The following CTNND2 variants were observed in gnomAD, a reference collection of about 807,000 sequenced individuals.
CTNND2 encodes the protein catenin delta-2.
CTNND2 carries 22 observed loss-of-function variants against 144.4 expected under a neutral mutation model. The observed-to-expected ratio is 0.15, with a 90% confidence interval of 0.11 to 0.22. CTNND2 has a LOEUF of 0.22. Ranked by LOEUF, CTNND2 falls within the 10% of genes least tolerant of loss-of-function variation. The pLI, the probability that CTNND2 is intolerant of heterozygous loss-of-function variation, is 1.00. For missense variants in CTNND2, 1,353 were observed against 1,618.8 expected, an observed-to-expected ratio of 0.84 and a Z score of 2.82; for synonymous variants, 751 against 695.6, an observed-to-expected ratio of 1.08 and a Z score of -1.25.
chr5:11,490,495 T>C (rs1769283861), intron 3 of CTNND2, among the ~76,000 whole-genome samples: 1 of 152,188 alleles, frequency 6.6e-6, no homozygotes, highest in African/African-American at 2.4e-5. Context: ...ATCCACAAAA[T>C]GCCAGATGTA....
At chr5:11,492,073 G>A (rs571642446) in intron 3 of CTNND2, among the ~76,000 whole-genome samples, 23 of 152,256 alleles carry the variant, frequency 1.5e-4, no homozygotes, top group Middle Eastern at 3.4e-3. Flanking sequence ...GATGGAAACC[G>A]GGTATAGCAT....
At chr5:11,433,306 T>C (rs914750797) in intron 3 of CTNND2, among the ~76,000 whole-genome samples, 21 of 152,060 alleles carry the variant, frequency 1.4e-4, no homozygotes, top group Admixed American at 1.4e-3. Flanking sequence ...CTCTATATCA[T>C]TGGTCATTAA....
intron 2 of CTNND2, among the ~76,000 whole-genome samples, chr5:11,583,085 T>C (rs1778565013): frequency 6.6e-6 from 1 of 152,224 alleles, no homozygotes; most frequent in South Asian, 2.1e-4. Flanking sequence ...AACAGTAAGC[T>C]CTTACATAAA....
intron 2 of CTNND2, among the ~76,000 whole-genome samples, chr5:11,706,871 G>T (rs998250059): frequency 1.3e-5 from 2 of 151,952 alleles, no homozygotes; most frequent in Non-Finnish European, 2.9e-5. Flanking sequence ...GGATCACGAG[G>T]TCAGGAGATC....
intron 6 of CTNND2, among the ~76,000 whole-genome samples, chr5:11,393,004 C>T (rs1359584215): frequency 1.3e-5 from 2 of 152,158 alleles, no homozygotes; most frequent in East Asian, 3.9e-4. Context: ...TCCCCTCAGC[C>T]TTCACATCCA....
At chr5:11,724,549 G>C (rs1786894688) in intron 2 of CTNND2, among the ~76,000 whole-genome samples, 1 of 152,114 alleles carries the variant, frequency 6.6e-6, no homozygotes, top group Admixed American at 6.5e-5. Flanking sequence ...TCGGTGGAGG[G>C]TTTCTCCTCT....
intron 20 of CTNND2, among the ~76,000 whole-genome samples, chr5:10,986,188 C>T (rs1017724267): frequency 1.3e-5 from 2 of 152,154 alleles, no homozygotes; most frequent in African/African-American, 4.8e-5. Flanking sequence ...AAGATCCCTG[C>T]CATTTTCTAA....
At chr5:11,580,881 A>C (rs1431417014) in intron 2 of CTNND2, among the ~76,000 whole-genome samples, 7 of 152,192 alleles carry the variant, frequency 4.6e-5, no homozygotes. Flanking sequence ...TCTGTAATTC[A>C]AACAGGGGTA....
At position 10,981,785 on chromosome 5, in the gene CTNND2, G is replaced by T. The variant is rs1222118309; in HGVS notation, c.3405C>A (p.Ile1135=). 24 of 1,613,722 alleles carry T rather than the reference G, an allele frequency of 1.5e-5. No homozygotes were observed. Among genetic ancestry groups the T allele is most frequent in the Non-Finnish European group, 2.0e-5 (24 of 1,179,702 alleles). Residue 1135 remains isoleucine, a synonymous_variant, in exon 21 of 22, where the codon ATC becomes ATA. Transcript: ENST00000304623. ...GCATTTACTTTACCTGGTTGTGTTT[G>T]ATGTCTTCAGCGGGCGCACCATAAG... is the stretch of plus-strand genomic sequence containing the variant. ...RNSYGAPAED[I]KHNQVSAQPV... is the part of the protein sequence containing the mutation.
At chr5:11,698,674 A>G (rs1441210551) in intron 2 of CTNND2, among the ~76,000 whole-genome samples, 1 of 152,130 alleles carries the variant, frequency 6.6e-6, no homozygotes. Flanking sequence ...CTGGAAATAA[A>G]TCAGGGACTA....
chr5:11,415,775 CT>C (rs1182055144), intron 3 of CTNND2, among the ~76,000 whole-genome samples: 4 of 152,094 alleles, frequency 2.6e-5, no homozygotes, highest in African/African-American at 9.7e-5. Context: ...GGAAAACACT[CT>C]GCTTAGCTCC....
At chr5:11,540,428 C>G (rs960093466) in intron 3 of CTNND2, among the ~76,000 whole-genome samples, 6 of 152,174 alleles carry the variant, frequency 3.9e-5, no homozygotes, top group African/African-American at 1.4e-4. Context: ...CCAAGAGTCA[C>G]TGGGAATCCC....
intron 3 of CTNND2, among the ~76,000 whole-genome samples, chr5:11,553,580 A>T (rs778991082): frequency 3.9e-5 from 6 of 152,226 alleles, no homozygotes; most frequent in Non-Finnish European, 8.8e-5. Flanking sequence ...AATAAAAGAT[A>T]AATTATGACT....
At chr5:11,757,506 C>T (rs1789018851) in intron 1 of CTNND2, among the ~76,000 whole-genome samples, 1 of 151,754 alleles carries the variant, frequency 6.6e-6, no homozygotes, top group Non-Finnish European at 1.5e-5. Context: ...TCTAAGAATA[C>T]AAACATCTTA....
intron 1 of CTNND2, among the ~76,000 whole-genome samples, chr5:11,737,205 C>T (rs1787734680): frequency 6.6e-6 from 1 of 152,172 alleles, no homozygotes; most frequent in Admixed American, 6.5e-5. Context: ...AGAATGTTAC[C>T]TCACCACAAT....
chr5:11,005,266 G>C (rs1740362230), intron 18 of CTNND2, among the ~76,000 whole-genome samples: 2 of 152,262 alleles, frequency 1.3e-5, no homozygotes, highest in Admixed American at 1.3e-4. Context: ...GAACAGCGTG[G>C]CTGAGGCAAA....
chr5:11,463,235 T>C (rs188317984), intron 3 of CTNND2, among the ~76,000 whole-genome samples: 348 of 152,380 alleles, frequency 2.3e-3, no homozygotes, highest in Non-Finnish European at 4.1e-3. Context: ...GAAAATGTAC[T>C]TAGAAGCGTC....
At position 11,732,203 on chromosome 5, in the gene CTNND2, T is replaced by A; in HGVS notation, c.107A>T (p.Asn36Ile). Residue 36 changes from asparagine (N) to isoleucine (I), a missense_variant, in exon 2 of 22, where the codon AAC becomes ATC. By Grantham distance (149) the Asn-to-Ile change is moderately radical. Transcript: ENST00000304623. ...EKTSSLSPGLNTSNGDGSETE... is the reference protein window; with the variant it reads ...EKTSSLSPGLITSNGDGSETE... ...TTCAGAGCCATCCCCGTTGGAGGTG[T>A]TTAAGCCGGGGCTCAGGGAACTCGT... is the stretch of plus-strand genomic sequence containing the variant. The A allele has an allele frequency of 6.2e-7, 1 of 1,614,034 alleles. No individual in the cohort carries two copies. The highest frequency in any genetic ancestry group is 8.5e-7 in the Non-Finnish European group (1 of 1,179,934).
At chr5:11,662,905 TGCCAGTAAACAAATAAA>T (rs1783354833) in intron 2 of CTNND2, among the ~76,000 whole-genome samples, 2 of 152,276 alleles carry the variant, frequency 1.3e-5, no homozygotes, top group South Asian at 4.1e-4. Context: ...ACATGAAAGC[TGCCAGTAAACAAATAAA>T]GTGGATAAAA....
Sources: allele counts gnomAD v4.1 joint callset (sites outside exome capture counted in the v4.1 genomes callset), GRCh38; gene constraint gnomAD v4.1.1; transcripts MANE v1.5; gene names NCBI Gene and HGNC (gene_info 2026-07-23, HGNC 2026-07-21).